Variants in MYO5A observed in about 807,000 individuals in gnomAD.
MYO5A encodes myosin VA, also known as unconventional myosin-Va.
A neutral mutation model predicts 249.7 loss-of-function variants in MYO5A; 98 were observed. The observed-to-expected ratio is 0.39, with a 90% confidence interval of 0.33 to 0.46. The LOEUF (loss-of-function observed/expected upper bound fraction) is 0.46, where lower values mean the gene tolerates loss of function less well. MYO5A is among the 20% of genes least tolerant of loss of function. The pLI is 0.98. For synonymous variants in MYO5A, 778 were observed against 810.6 expected, an observed-to-expected ratio of 0.96 and a Z score of 0.68; for missense variants, 1,696 against 2,308.8, an observed-to-expected ratio of 0.73 and a Z score of 5.44.
intron 1 of MYO5A, among the ~76,000 whole-genome samples, chr15:52,459,556 T>C (rs2076195278): frequency 6.6e-6 from 1 of 152,250 alleles, no homozygotes; most frequent in Non-Finnish European, 1.5e-5. Context: ...TGGAGTCTCC[T>C]ATGTCTACTT....
At chr15:52,492,135 T>C (rs1280138559) in intron 1 of MYO5A, among the ~76,000 whole-genome samples, 2 of 152,226 alleles carry the variant, frequency 1.3e-5, no homozygotes, top group African/African-American at 2.4e-5. Flanking sequence ...CATAGATATA[T>C]AGATTTTTTT....
At chr15:52,325,501 G>C (rs984311679) in intron 36 of MYO5A, among the ~76,000 whole-genome samples, 2 of 149,962 alleles carry the variant, frequency 1.3e-5, no homozygotes, top group East Asian at 2.0e-4. Context: ...TCACAGGCTC[G>C]AGCGATCCTC....
chr15:52,528,419 A>T (rs1277548653), intron 1 of MYO5A, among the ~76,000 whole-genome samples: 1 of 152,144 alleles, frequency 6.6e-6, no homozygotes, highest in East Asian at 1.9e-4. Context: ...TGGAGCAAGC[A>T]TCTCCCACCC....
Position 52,490,503 on chromosome 15 carries a change from C to T in MYO5A, c.27+38277G>A, listed in dbSNP as rs117026671. Among the ~76,000 whole-genome samples, 164 of 152,264 alleles carry T rather than the reference C, an allele frequency of 1.1e-3. 2 individuals are homozygous for T. In the East Asian group the frequency reaches 0.024, roughly 23 times the overall value. ...ACATGGATGAACCTTGAGGACATTA[C>T]GCCATATGAAATAAGCCAGTCATGA... On this transcript the variant is annotated intron_variant, in intron 1 of 41. Transcript: ENST00000399233.
chr15:52,476,580 C>T (rs1213175135), intron 1 of MYO5A, among the ~76,000 whole-genome samples: 1 of 152,206 alleles, frequency 6.6e-6, no homozygotes, highest in Non-Finnish European at 1.5e-5. Flanking sequence ...TCTTGTAAGG[C>T]AGGCCTGGTG....
intron 1 of MYO5A, among the ~76,000 whole-genome samples, chr15:52,524,919 C>A (rs2077703605): frequency 7.9e-6 from 1 of 126,592 alleles, no homozygotes; most frequent in African/African-American, 2.7e-5. Context: ...GTAATCTTGA[C>A]CATCCTATAG....
chr15:52,395,170 A>G (rs1255172894), intron 11 of MYO5A, among the ~76,000 whole-genome samples: 4 of 152,182 alleles, frequency 2.6e-5, no homozygotes, highest in Non-Finnish European at 4.4e-5. Flanking sequence ...ATTTACCTAC[A>G]TATTTCTAAA....
intron 35 of MYO5A, among the ~76,000 whole-genome samples, chr15:52,329,994 T>C (rs181061225): frequency 4.0e-5 from 6 of 151,310 alleles, no homozygotes; most frequent in East Asian, 1.9e-4. Flanking sequence ...TTTTCTTTTT[T>C]TTTTTTTTAA....
At chr15:52,415,097 G>A (rs142801542) in intron 5 of MYO5A, among the ~76,000 whole-genome samples, 103 of 152,176 alleles carry the variant, frequency 6.8e-4, no homozygotes, top group African/African-American at 2.3e-3. Context: ...ACGCAGCACC[G>A]CAAACCAAGC....
intron 4 of MYO5A, among the ~76,000 whole-genome samples, chr15:52,423,676 T>C (rs2075334624): frequency 6.6e-6 from 1 of 152,152 alleles, no homozygotes; most frequent in Non-Finnish European, 1.5e-5. Context: ...GATTTATTTA[T>C]ATAAATGGTA....
chr15:52,528,033 T>C (rs1003355680), intron 1 of MYO5A, among the ~76,000 whole-genome samples: 2 of 152,170 alleles, frequency 1.3e-5, no homozygotes, highest in Admixed American at 6.5e-5. Context: ...CCTGAGTATA[T>C]TGATGTCAGT....
At chr15:52,319,773 G>A (rs1277303490) in intron 38 of MYO5A, among the ~76,000 whole-genome samples, 1 of 152,130 alleles carries the variant, frequency 6.6e-6, no homozygotes, top group East Asian at 1.9e-4. Context: ...AGAGGGAAAA[G>A]GAACTTCACT....
intron 40 of MYO5A, among the ~76,000 whole-genome samples, chr15:52,316,799 A>T (rs2038041310): frequency 1.3e-5 from 2 of 152,232 alleles, no homozygotes; most frequent in Admixed American, 6.5e-5. Context: ...CTTCAATGTT[A>T]TATAGAACAC....
At chr15:52,466,442 A>G (rs1236323103) in intron 1 of MYO5A, among the ~76,000 whole-genome samples, 1 of 152,208 alleles carries the variant, frequency 6.6e-6, no homozygotes, top group African/African-American at 2.4e-5. Context: ...CCTATAGCCC[A>G]AGACTGCACT....
At chr15:52,470,635 A>C (rs1318322829) in intron 1 of MYO5A, among the ~76,000 whole-genome samples, 3 of 150,704 alleles carry the variant, frequency 2.0e-5, no homozygotes, top group Non-Finnish European at 3.0e-5. Flanking sequence ...GGGCAATAAG[A>C]GTGAAACTCC....
At chr15:52,398,916 G>C (rs1312790871) in intron 9 of MYO5A, among the ~76,000 whole-genome samples, 1 of 152,030 alleles carries the variant, frequency 6.6e-6, no homozygotes, top group East Asian at 1.9e-4. Context: ...TTGAACCTGG[G>C]AGGTGGAGGT....
At chr15:52,338,001 C>G in intron 32 of MYO5A, 117 bp from the exon 33 acceptor site, 2 of 667,656 alleles carry the variant, frequency 3.0e-6, no homozygotes, top group Non-Finnish European at 5.0e-6. Context: ...ACTATATATA[C>G]TTGAAAGGCT....
intron 9 of MYO5A, among the ~76,000 whole-genome samples, chr15:52,403,042 T>A (rs527539395): frequency 4.8e-4 from 73 of 152,340 alleles, no homozygotes; most frequent in Admixed American, 3.2e-3. Context: ...TTATAAGTAC[T>A]ATTTCTCCAA....
chr15:52,441,099 T>G (rs560819450), intron 1 of MYO5A, among the ~76,000 whole-genome samples: 13 of 152,204 alleles, frequency 8.5e-5, no homozygotes, highest in Non-Finnish European at 1.6e-4. Flanking sequence ...ATGCGGATGT[T>G]ACACATGATT....
Sources: gnomAD v4.1 joint callset for allele counts (sites outside exome capture counted in the v4.1 genomes callset) on GRCh38, gnomAD v4.1.1 for gene constraint, MANE v1.5 for transcripts, NCBI Gene and HGNC (gene_info 2026-07-23, HGNC 2026-07-21) for gene names.